Variants in RPS6KC1 observed in about 807,000 individuals in gnomAD.
RPS6KC1 encodes the protein ribosomal protein S6 kinase C1.
Under a neutral mutation model 103.8 loss-of-function variants are expected in RPS6KC1, and 54 were observed. That is an observed-to-expected ratio of 0.52 (90% confidence interval 0.42 to 0.65). The LOEUF (loss-of-function observed/expected upper bound fraction) is 0.65, where lower values mean the gene tolerates loss of function less well. Among genes scored for constraint, RPS6KC1 ranks in the 30% least tolerant of loss-of-function variants. The pLI, the probability that RPS6KC1 is intolerant of heterozygous loss-of-function variation, is 0.00. For synonymous variants in RPS6KC1, 439 were observed against 438.7 expected (o/e 1.00, Z -0.01); for missense variants, 1,151 against 1,253.8 (o/e 0.92, Z 1.24).
At chr1:213,698,107 T>A in the RPS6KC1 span, among the ~76,000 whole-genome samples, 2 of 152,244 alleles carry the variant, frequency 1.3e-5, no homozygotes, top group African/African-American at 4.8e-5. Context: ...AAATATTAAA[T>A]GCATTTTTGA....
At chr1:213,604,136 A>G in the RPS6KC1 span, among the ~76,000 whole-genome samples, 1 of 152,110 alleles carries the variant, frequency 6.6e-6, no homozygotes, top group Non-Finnish European at 1.5e-5. Context: ...AATCAGCTAG[A>G]CTCTGCCCAG....
chr1:213,810,817 C>G, the RPS6KC1 span, among the ~76,000 whole-genome samples: 1 of 152,076 alleles, frequency 6.6e-6, no homozygotes, highest in Admixed American at 6.6e-5. Context: ...ATAAATGTTA[C>G]CATCCTCATT....
At chr1:213,751,609 C>A in the RPS6KC1 span, among the ~76,000 whole-genome samples, 1 of 152,116 alleles carries the variant, frequency 6.6e-6, no homozygotes, top group Non-Finnish European at 1.5e-5. Context: ...AGTAACAGAG[C>A]AGGTGAGTGC....
the RPS6KC1 span, among the ~76,000 whole-genome samples, chr1:213,483,502 T>C: frequency 6.6e-6 from 1 of 152,248 alleles, no homozygotes; most frequent in Non-Finnish European, 1.5e-5. Flanking sequence ...TACAAAGTTT[T>C]GAAATTGATG....
chr1:213,182,667 T>C (rs899238233), intron 8 of RPS6KC1, among the ~76,000 whole-genome samples: 14 of 151,308 alleles, frequency 9.3e-5, no homozygotes, highest in African/African-American at 3.4e-4. Flanking sequence ...AGATTGATAT[T>C]GGTTTAAAGA....
the RPS6KC1 span, among the ~76,000 whole-genome samples, chr1:213,301,477 T>TA: frequency 6.6e-6 from 1 of 152,192 alleles, no homozygotes; most frequent in African/African-American, 2.4e-5. Flanking sequence ...GATGCAGTGA[T>TA]AAACAAGGCA....
At chr1:213,284,271 C>T in the RPS6KC1 span, among the ~76,000 whole-genome samples, 33 of 152,180 alleles carry the variant, frequency 2.2e-4, no homozygotes, top group African/African-American at 7.2e-4. Context: ...AATACCAACA[C>T]TTTGGGAGCC....
the RPS6KC1 span, among the ~76,000 whole-genome samples, chr1:213,720,356 C>T: frequency 1.3e-5 from 2 of 152,326 alleles, no homozygotes; most frequent in Admixed American, 1.3e-4. Flanking sequence ...TTTTTCTTGA[C>T]ATTGGAAAAA....
chr1:213,555,794 C>T, the RPS6KC1 span, among the ~76,000 whole-genome samples: 7 of 152,224 alleles, frequency 4.6e-5, no homozygotes, highest in Admixed American at 6.5e-5. Context: ...TCAACAGTTT[C>T]TTTCTACTCT....
chr1:213,418,674 A>C, the RPS6KC1 span, among the ~76,000 whole-genome samples: 1 of 152,182 alleles, frequency 6.6e-6, no homozygotes, highest in Non-Finnish European at 1.5e-5. Flanking sequence ...CAGATTTCAC[A>C]CGCCGATCTC....
At chr1:213,319,198 C>T in the RPS6KC1 span, among the ~76,000 whole-genome samples, 16 of 148,794 alleles carry the variant, frequency 1.1e-4, no homozygotes, top group East Asian at 6.1e-4. Context: ...CCCAGCTACT[C>T]GGGAGGCTGA....
intron 8 of RPS6KC1, among the ~76,000 whole-genome samples, chr1:213,197,033 C>A (rs951784334): frequency 1.2e-4 from 18 of 152,108 alleles, no homozygotes; most frequent in African/African-American, 3.9e-4. Context: ...GACAGGATTT[C>A]TCCATGTTGG....
the RPS6KC1 span, among the ~76,000 whole-genome samples, chr1:213,378,406 A>C: frequency 1.4e-4 from 22 of 152,214 alleles, no homozygotes; most frequent in African/African-American, 5.3e-4. Context: ...AGTGATCAAT[A>C]AATACATTTA....
chr1:213,150,739 C>G (rs1436783595), intron 6 of RPS6KC1, among the ~76,000 whole-genome samples: 2 of 151,926 alleles, frequency 1.3e-5, no homozygotes, highest in Admixed American at 6.5e-5. Flanking sequence ...GGCAACCATC[C>G]GATTTCTCAA....
At chr1:213,376,863 A>C in the RPS6KC1 span, among the ~76,000 whole-genome samples, 1 of 152,216 alleles carries the variant, frequency 6.6e-6, no homozygotes, top group Middle Eastern at 3.2e-3. Flanking sequence ...ATGAAGCTGG[A>C]GGAAGTAGTG....
chr1:213,696,450 C>T, the RPS6KC1 span, among the ~76,000 whole-genome samples: 7 of 145,360 alleles, frequency 4.8e-5, no homozygotes, highest in East Asian at 2.0e-4. Flanking sequence ...TGCGGTGAGC[C>T]GAGATCACGC....
the RPS6KC1 span, among the ~76,000 whole-genome samples, chr1:213,363,613 GCTTGCTTGCTTGCTTTCTTT>G: frequency 1.2e-3 from 99 of 81,126 alleles, no homozygotes; most frequent in Middle Eastern, 6.4e-3. Flanking sequence ...TCGCTTGCTT[GCTTGCTTGCTTGCTTTCTTT>G]CTTTCTTTCT....
At chr1:213,141,601 A>G (rs1171245298) in intron 6 of RPS6KC1, among the ~76,000 whole-genome samples, 1 of 151,558 alleles carries the variant, frequency 6.6e-6, no homozygotes, top group Non-Finnish European at 1.5e-5. Flanking sequence ...AGTCGTTTGT[A>G]TGGTTTTTCT....
intron 2 of RPS6KC1, chr1:213,072,992 T>G (rs1399485375): frequency 2.7e-6 from 2 of 732,090 alleles, no homozygotes; most frequent in African/African-American, 1.9e-5. Context: ...CTCTTGTAAG[T>G]GTCTTTTAGT....
Sources: allele counts gnomAD v4.1 joint callset (sites outside exome capture counted in the v4.1 genomes callset), GRCh38; gene constraint gnomAD v4.1.1; transcripts MANE v1.5; gene names NCBI Gene and HGNC (gene_info 2026-07-23, HGNC 2026-07-21).